ZC2HC1A: variants seen among roughly 807,000 people sequenced by gnomAD.
ZC2HC1A encodes zinc finger C2HC-type containing 1A.
In ZC2HC1A, 28 loss-of-function variants were observed where a neutral mutation model predicts 40.7. The ratio of observed to expected loss-of-function variants is 0.69; its 90% CI spans 0.51 to 0.94. The LOEUF (loss-of-function observed/expected upper bound fraction) is 0.94, where lower values mean the gene tolerates loss of function less well. Ranked by LOEUF, ZC2HC1A falls within the 40% of genes least tolerant of loss-of-function variation. The probability of loss-of-function intolerance (pLI) is 0.00; values close to 1 mark genes in which losing one functional copy is unlikely to be tolerated. For missense variants in ZC2HC1A, 389 were observed against 386.3 expected (o/e 1.01, Z -0.06); for synonymous variants, 129 against 129.2 (o/e 1.00, Z 0.01).
intron 3 of ZC2HC1A, 97 bp from the exon 4 acceptor site, chr8:78,686,370 C>A: frequency 9.7e-7 from 1 of 1,034,266 alleles, no homozygotes; most frequent in East Asian, 3.2e-5. Context: ...GATAAGAGAA[C>A]ATTTAAAATG....
At chr8:78,708,261 T>C (rs1810840565) in intron 7 of ZC2HC1A, among the ~76,000 whole-genome samples, 1 of 152,238 alleles carries the variant, frequency 6.6e-6, no homozygotes, top group South Asian at 2.1e-4. Context: ...CTGGTGTATG[T>C]AATCTTTATT....
At chr8:78,713,319 A>C (rs1811005111) in intron 7 of ZC2HC1A, among the ~76,000 whole-genome samples, 1 of 152,086 alleles carries the variant, frequency 6.6e-6, no homozygotes, top group African/African-American at 2.4e-5. Context: ...GGTAGCTATT[A>C]ATGATGATAA....
At position 78,718,090 on chromosome 8, in the gene ZC2HC1A, T is replaced by C. The variant is rs540896150; in HGVS notation, c.*597T>C. ...TATTAGTTACGTAATTTAAACATCTTACTTGTTTTGTAAAAGTGTAATTAT... is the reference window on the plus strand; with the variant it reads ...TATTAGTTACGTAATTTAAACATCTCACTTGTTTTGTAAAAGTGTAATTAT... On this transcript the variant is annotated 3_prime_UTR_variant, in exon 9 of 9. Transcript: ENST00000263849. 3.2e-4 allele frequency: 48 copies of C among 152,220 alleles called. No homozygotes were observed. The highest frequency in any genetic ancestry group is 1.0e-3 in the African/African-American group (43 of 41,586). The allele number at this position is 152,220 out of a possible 1,614,324, so 9.4% of individuals were successfully genotyped here. A position where few individuals can be genotyped will look rare whatever the true frequency, so the allele number is the denominator to read the frequency against.
At chr8:78,699,713 T>G (rs1810539438) in intron 7 of ZC2HC1A, among the ~76,000 whole-genome samples, 1 of 152,188 alleles carries the variant, frequency 6.6e-6, no homozygotes, top group Non-Finnish European at 1.5e-5. Flanking sequence ...AGTGAGAACA[T>G]GCAGTATTTG....
chr8:78,701,784 A>G (rs1452291793), intron 7 of ZC2HC1A, among the ~76,000 whole-genome samples: 2 of 152,196 alleles, frequency 1.3e-5, no homozygotes, highest in Non-Finnish European at 2.9e-5. Flanking sequence ...GTTGTGATGA[A>G]TAGCATTTAT....
At chr8:78,684,920 TAA>T (rs1319606228) in intron 3 of ZC2HC1A, among the ~76,000 whole-genome samples, 2 of 152,222 alleles carry the variant, frequency 1.3e-5, no homozygotes, top group African/African-American at 4.8e-5. Flanking sequence ...ATAAAGATTT[TAA>T]GTTTCTCAAC....
intron 7 of ZC2HC1A, among the ~76,000 whole-genome samples, chr8:78,706,173 T>C (rs770430315): frequency 1.3e-5 from 2 of 152,098 alleles, no homozygotes; most frequent in Non-Finnish European, 2.9e-5. Context: ...CCATCCCAGG[T>C]AGGCTCAAAA....
intron 5 of ZC2HC1A, among the ~76,000 whole-genome samples, chr8:78,694,487 A>C (rs947484955): frequency 6.6e-6 from 1 of 152,114 alleles, no homozygotes. Flanking sequence ...TTATTGGCTT[A>C]GTTTGCTTGA....
At chr8:78,690,068 T>A (rs1367289790) in intron 5 of ZC2HC1A, among the ~76,000 whole-genome samples, 1 of 152,246 alleles carries the variant, frequency 6.6e-6, no homozygotes, top group Non-Finnish European at 1.5e-5. Flanking sequence ...TTTCTTTCCC[T>A]GATGAATTGC....
rs1319717191 is a variant in ZC2HC1A, at chr8:78,719,299, C to T, written c.*1806C>T. The T allele has an allele frequency of 2.0e-5, 3 of 151,654 alleles. No homozygotes were observed. The highest frequency in any genetic ancestry group is 7.2e-5 in the African/African-American group (3 of 41,414). 9.4% of individuals were successfully genotyped at this position (151,654 alleles called of 1,614,324 possible). On this transcript the variant is annotated 3_prime_UTR_variant, in exon 9 of 9. Coordinates refer to ENST00000263849, the MANE Select transcript of ZC2HC1A (RefSeq NM_016010.3). ...AAAGGATAGATAAATAATTGGCACACATTTGTTTCTCACTGAATTTTACAG... is the reference window on the plus strand; with the variant it reads ...AAAGGATAGATAAATAATTGGCACATATTTGTTTCTCACTGAATTTTACAG...
At chr8:78,666,259 C>T (rs1379273079) in intron 1 of ZC2HC1A, 95 bp downstream of exon 1, 4 of 1,530,112 alleles carry the variant, frequency 2.6e-6, no homozygotes, top group Non-Finnish European at 3.5e-6. Flanking sequence ...AGGGCTGGTT[C>T]GGTGCGGCGG....
At chr8:78,686,741 A>G in intron 4 of ZC2HC1A, 133 bp downstream of exon 4, 7 of 955,320 alleles carry the variant, frequency 7.3e-6, no homozygotes, top group African/African-American at 1.7e-5. Flanking sequence ...AATTTGGTGT[A>G]AAATGGTGGT....
chr8:78,687,885 A>G (rs1810071024), intron 4 of ZC2HC1A, among the ~76,000 whole-genome samples: 1 of 122,388 alleles, frequency 8.2e-6, no homozygotes, highest in African/African-American at 2.9e-5. Flanking sequence ...ATATATATTT[A>G]TATAATAAAT....
chr8:78,681,417 A>G (rs936209946), intron 3 of ZC2HC1A, among the ~76,000 whole-genome samples: 2 of 152,200 alleles, frequency 1.3e-5, no homozygotes, highest in African/African-American at 2.4e-5. Context: ...GTGATCAGAT[A>G]TTTTGCTGTA....
intron 3 of ZC2HC1A, among the ~76,000 whole-genome samples, chr8:78,681,531 T>C (rs1350308451): frequency 1.3e-5 from 2 of 152,188 alleles, no homozygotes; most frequent in Non-Finnish European, 2.9e-5. Flanking sequence ...TGTCATTCTT[T>C]TTGTCAGAGT....
chr8:78,674,723 G>A (rs1016115111), intron 1 of ZC2HC1A, among the ~76,000 whole-genome samples: 2 of 152,154 alleles, frequency 1.3e-5, no homozygotes, highest in Non-Finnish European at 2.9e-5. Flanking sequence ...TTCTGTTACT[G>A]TATTTGAATG....
chr8:78,677,967 A>C (rs577957945), intron 2 of ZC2HC1A, among the ~76,000 whole-genome samples: 1 of 152,092 alleles, frequency 6.6e-6, no homozygotes, highest in Non-Finnish European at 1.5e-5. Context: ...TTTTTAAACC[A>C]TATAGGGTAA....
At chr8:78,715,458 T>C (rs1308765027) in intron 8 of ZC2HC1A, 130 bp downstream of exon 8, 1 of 812,848 alleles carries the variant, frequency 1.2e-6, no homozygotes, top group African/African-American at 1.8e-5. Flanking sequence ...AATCTGGCTT[T>C]TAAGTTGTAC....
intron 4 of ZC2HC1A, among the ~76,000 whole-genome samples, chr8:78,687,517 T>C (rs1810031871): frequency 6.9e-6 from 1 of 144,230 alleles, no homozygotes; most frequent in Admixed American, 7.1e-5. Context: ...TATATATATT[T>C]ATATAATAAA....
Sources: gnomAD v4.1 joint callset for allele counts (sites outside exome capture counted in the v4.1 genomes callset) on GRCh38, gnomAD v4.1.1 for gene constraint, MANE v1.5 for transcripts, NCBI Gene and HGNC (gene_info 2026-07-23, HGNC 2026-07-21) for gene names.